SLC12A5: variants seen among roughly 807,000 people sequenced by gnomAD.
SLC12A5 encodes K-Cl cotransporter 2.
A neutral mutation model predicts 124.0 loss-of-function variants in SLC12A5; 18 were observed. The observed-to-expected ratio is 0.15, with a 90% CI of 0.10 to 0.22. The LOEUF (loss-of-function observed/expected upper bound fraction) is 0.22. Ranked by LOEUF, SLC12A5 falls within the 10% of genes least tolerant of loss-of-function variation. The pLI is 1.00. For missense variants in SLC12A5, 867 were observed against 1,478.7 expected, an observed-to-expected ratio of 0.59 and a Z score of 6.78; for synonymous variants, 589 against 568.0, an observed-to-expected ratio of 1.04 and a Z score of -0.53.
At chr20:46,051,268 T>C (rs1224397268) in intron 17 of SLC12A5, among the ~76,000 whole-genome samples, 4 of 152,220 alleles carry the variant, frequency 2.6e-5, no homozygotes, top group African/African-American at 4.8e-5. Context: ...AAACAAATTG[T>C]CTGGCTGTGC....
intron 5 of SLC12A5, 136 bp from the exon 6 acceptor site, chr20:46,037,119 C>G (rs1041465145): frequency 7.6e-7 from 1 of 1,312,406 alleles, no homozygotes; most frequent in East Asian, 2.4e-5. Flanking sequence ...CTCACCAGTC[C>G]CCTTTCTAGG....
chr20:46,046,087 A>C, intron 13 of SLC12A5, 91 bp downstream of exon 13: 2 of 1,218,170 alleles, frequency 1.6e-6, no homozygotes, highest in Non-Finnish European at 2.4e-6. Context: ...CCACCCAGAC[A>C]CTTTAGCAAC....
intron 18 of SLC12A5, 104 bp from the exon 19 acceptor site, chr20:46,052,853 T>G: frequency 7.9e-7 from 1 of 1,272,050 alleles, no homozygotes; most frequent in Non-Finnish European, 1.1e-6. Flanking sequence ...CCAGTTGGAG[T>G]GGGGTGGAGT....
chr20:46,043,797 CTGCCT>C, intron 10 of SLC12A5, 66 bp downstream of exon 10: 1 of 1,612,566 alleles, frequency 6.2e-7, no homozygotes, highest in African/African-American at 1.3e-5. Flanking sequence ...GCTGAACTTG[CTGCCT>C]TACCTGCTGG....
intron 13 of SLC12A5, 123 bp downstream of exon 13, chr20:46,046,119 C>T: frequency 1.1e-6 from 1 of 907,826 alleles, no homozygotes. Context: ...CCCCATTGGT[C>T]ATAGAAGCCC....
rs184927974 is a variant in SLC12A5, at chr20:46,034,177, T to C, written c.53-771T>C. Among the ~76,000 whole-genome samples the C allele has an allele frequency of 1.7e-3, 265 of 152,344 alleles. 1 individual carries two copies. The highest frequency in any genetic ancestry group is 2.9e-3 in the Non-Finnish European group (199 of 68,028). ...CTCTGGGCCATTGAACATGCTGTTCTGCTATTCTGTCTGCCTGGAACACCC... is the reference window on the plus strand; with the variant it reads ...CTCTGGGCCATTGAACATGCTGTTCCGCTATTCTGTCTGCCTGGAACACCC... On this transcript the variant is annotated intron_variant, in intron 1 of 25. Coordinates refer to ENST00000243964, the MANE Select transcript of SLC12A5 (RefSeq NM_020708.5).
exon 3 of SLC12A5, chr20:46,023,442 C>G (rs1212324690): frequency 5.0e-6 from 2 of 398,820 alleles, no homozygotes; most frequent in Non-Finnish European, 8.8e-6. Flanking sequence ...ATCGGTCCCC[C>G]CTCTGTCATC....
chr20:46,035,898 G>A lies in SLC12A5; in HGVS notation c.401G>A (p.Cys134Tyr), dbSNP rs377612895. Residue 134 changes from cysteine to tyrosine, a missense_variant, in exon 4 of 26, where the codon TGC becomes TAC. This residue lies in a region of SLC12A5 where 126 missense variants were observed against 291.6 expected (regional missense o/e 0.43). Transcript: ENST00000243964. Reference protein sequence around the residue: ...VGIAGIMESFCMVFICCSCTM... With the variant: ...VGIAGIMESFYMVFICCSCTM... ...ATTGCAGGCATCATGGAGTCCTTCT[G>A]CATGGTGTTCATCTGCTGCTCCTGT... The A allele has an allele frequency of 8.0e-5, 129 of 1,613,518 alleles. No individual in the cohort carries two copies. The highest frequency in any genetic ancestry group is 1.1e-4 in the Non-Finnish European group (126 of 1,179,690).
chr20:46,040,260 A>G (rs1440131232), intron 6 of SLC12A5, 113 bp from the exon 7 acceptor site: 2 of 1,469,300 alleles, frequency 1.4e-6, no homozygotes, highest in Non-Finnish European at 1.8e-6. Context: ...TGTCTTTTCC[A>G]GTCTGGTACC....
Position 46,053,524 on chromosome 20 carries a change from A to G in SLC12A5, c.2548-54A>G. The G allele has an allele frequency of 1.2e-6, 2 of 1,606,810 alleles. No homozygotes were observed. The highest frequency in any genetic ancestry group is 2.2e-5 in the South Asian group (2 of 90,828). On this transcript the variant is annotated intron_variant, in intron 19 of 25. Transcript: ENST00000243964. The surrounding 1 kb of genome is among the most constrained non-coding windows in gnomAD (Gnocchi z 4.7). ...GTGAGCGGACAGGGCCTGGCCCTGG[A>G]TCTCCTCATCACATCTGGGCTGGAC... is the stretch of plus-strand genomic sequence containing the variant.
At position 46,053,234 on chromosome 20, in the gene SLC12A5, T is replaced by C; in HGVS notation, c.2547+108T>C. ...TCAGACTCAGGGGCTCTGGCCAGGGTCAGCTTCCGTGTCCTTCCTCCCCTG... is the reference window on the plus strand; with the variant it reads ...TCAGACTCAGGGGCTCTGGCCAGGGCCAGCTTCCGTGTCCTTCCTCCCCTG... On this transcript the variant is annotated intron_variant, in intron 19 of 25. Transcript: ENST00000243964. The surrounding 1 kb of genome is among the most constrained non-coding windows in gnomAD (Gnocchi z 4.7). The C allele has an allele frequency of 1.6e-6, 2 of 1,246,288 alleles. No individual in the cohort carries two copies. The highest frequency in any genetic ancestry group is 2.2e-6 in the Non-Finnish European group (2 of 906,214). The allele number at this position is 1,246,288 out of a possible 1,614,324, so 77.2% of individuals were successfully genotyped here.
At chr20:46,043,596 C>T (rs747628896) in intron 9 of SLC12A5, 37 bp from the exon 10 acceptor site, 3 of 1,604,612 alleles carry the variant, frequency 1.9e-6, no homozygotes, top group Non-Finnish European at 2.6e-6. Context: ...TCTCCTGTGG[C>T]CCTGGCTTGA....
chr20:46,033,213 G>A (rs1251947287), intron 1 of SLC12A5, among the ~76,000 whole-genome samples: 1 of 152,170 alleles, frequency 6.6e-6, no homozygotes, highest in Non-Finnish European at 1.5e-5. Flanking sequence ...AGGAGGATGG[G>A]GAAGACGCAG....
Position 46,043,684 on chromosome 20 carries a change from C to G in SLC12A5, c.1289C>G (p.Ser430Ter). ...RSGDLRDAQK[S>*]IPTGTILAIA... Reference sequence around the variant, plus strand: ...GGGGACCTGAGGGATGCCCAGAAGTCAATCCCCACTGGCACCATCCTGGCC... The same window carrying G: ...GGGGACCTGAGGGATGCCCAGAAGTGAATCCCCACTGGCACCATCCTGGCC... The change falls in exon 10 of 26, where the codon TCA becomes TGA. Residue 430 changes from serine (S) to a stop codon, truncating the protein, a stop_gained. Coordinates refer to ENST00000243964, the MANE Select transcript of SLC12A5 (RefSeq NM_020708.5). LOFTEE classifies it high-confidence loss of function. 6.2e-7 allele frequency: 1 copy of G among 1,614,216 alleles called. No individual in the cohort carries two copies. Among genetic ancestry groups the G allele is most frequent in the Non-Finnish European group, 8.5e-7 (1 of 1,180,046 alleles).
intron 17 of SLC12A5, 84 bp downstream of exon 17, chr20:46,049,874 A>C: frequency 1.4e-6 from 2 of 1,417,222 alleles, no homozygotes; most frequent in Non-Finnish European, 1.9e-6. Context: ...TTCCTTCCTC[A>C]TCACCTTCAG....
chr20:46,037,119 C>T, intron 5 of SLC12A5, 136 bp from the exon 6 acceptor site: 4 of 1,312,406 alleles, frequency 3.0e-6, no homozygotes, highest in Non-Finnish European at 3.1e-6. Context: ...CTCACCAGTC[C>T]CCTTTCTAGG....
rs370131138 is a variant in SLC12A5 at position 46,056,863 on chromosome 20, C to A, written c.3111-34C>A. The A allele has an allele frequency of 5.0e-6, 8 of 1,610,340 alleles. No homozygotes were observed. In the African/African-American group the frequency reaches 1.1e-4, roughly 22 times the overall value. On this transcript the variant is annotated intron_variant, in intron 23 of 25. Transcript: ENST00000243964. The surrounding 1 kb of genome is among the most constrained non-coding windows in gnomAD (Gnocchi z 4.3). ...CTCTTTTTCTGACTCTGCTCTTTTT[C>A]TTTCTCTCTTTGCATCTCTTGTGTT... is the stretch of plus-strand genomic sequence containing the variant.
upstream of SLC12A5, among the ~76,000 whole-genome samples, chr20:46,025,290 G>A (rs1470928276): frequency 6.6e-6 from 1 of 152,090 alleles, no homozygotes; most frequent in Non-Finnish European, 1.5e-5. Flanking sequence ...ATATATGTTG[G>A]ATCTGGAGAT....
In SLC12A5 at chr20:46,035,064, GC is replaced by G. The variant is rs754517669; in HGVS notation, c.147+27del. 9.9e-6 allele frequency: 16 copies of G among 1,608,796 alleles called. No homozygotes were observed. The Admixed American group carries it at 1.0e-4, about 10-fold the overall frequency. On this transcript the variant is annotated intron_variant, in intron 2 of 25. Coordinates refer to ENST00000243964, the MANE Select transcript of SLC12A5 (RefSeq NM_020708.5). ...TGAGGTGGGCTGCTAGGGCTGTTGGGCCCCCACCTACAATTCATTATCCTGA... is the reference window on the plus strand; with the variant it reads ...TGAGGTGGGCTGCTAGGGCTGTTGGGCCCCACCTACAATTCATTATCCTGA...
Sources: gnomAD v4.1 joint callset for allele counts (sites outside exome capture counted in the v4.1 genomes callset) on GRCh38, gnomAD v4.1.1 for gene constraint, gnomAD v4.1.1 regional missense constraint, Gnocchi (gnomAD v3.1) non-coding constraint, MANE v1.5 for transcripts, NCBI Gene and HGNC (gene_info 2026-07-23, HGNC 2026-07-21) for gene names.